CFAP221: variants seen among roughly 807,000 people sequenced by gnomAD.
CFAP221 encodes cilia- and flagella-associated protein 221.
Under a neutral mutation model 113.1 loss-of-function variants are expected in CFAP221, and 97 were observed. That is an observed-to-expected ratio of 0.86 (90% CI 0.73 to 1.02). The LOEUF is 1.02. CFAP221 is among the 50% of genes least tolerant of loss of function. The pLI is 0.00. For missense variants in CFAP221, 1,025 were observed against 1,013.4 expected (o/e 1.01, Z -0.16); for synonymous variants, 331 against 354.4 (o/e 0.93, Z 0.74).
chr2:119,589,128 C>T (rs1334611499), intron 7 of CFAP221, among the ~76,000 whole-genome samples: 3 of 152,220 alleles, frequency 2.0e-5, no homozygotes, highest in Non-Finnish European at 4.4e-5. Context: ...AAACTGGTCT[C>T]ATGGGCTCTG....
At position 119,615,626 on chromosome 2, in the gene CFAP221, C is replaced by G. The variant is rs1685468703; in HGVS notation, c.1327C>G (p.His443Asp). The part of the protein sequence containing the change: ...RNQEEKIKEF[H>D]PTFDPLINNT... Reference sequence around the variant, plus strand: ...ATATTCACAGAAAATCAAGGAATTTCATCCTACTTTTGATCCACTCATTAA... The same window carrying G: ...ATATTCACAGAAAATCAAGGAATTTGATCCTACTTTTGATCCACTCATTAA... The change falls in exon 14 of 24, where the codon CAT (histidine) becomes GAT (aspartate). Residue 443 changes from histidine (H) to aspartate (D), a missense_variant. Transcript: ENST00000413369. 3 of 1,607,374 alleles carry G rather than the reference C, an allele frequency of 1.9e-6. No homozygotes were observed. The highest frequency in any genetic ancestry group is 2.5e-6 in the Non-Finnish European group (3 of 1,177,288).
rs35631078 is a variant in CFAP221 at position 119,560,045 on chromosome 2, CTTTTTT to C, written c.426+34_426+39del. 365 of 874,944 alleles carry C rather than the reference CTTTTTT, an allele frequency of 4.2e-4. No individual in the cohort carries two copies. Among genetic ancestry groups the C allele is most frequent in the South Asian group, 1.5e-3 (79 of 53,820 alleles). The allele number at this position is 874,944 out of a possible 1,614,324, so 54.2% of individuals were successfully genotyped here. A position where few individuals can be genotyped will look rare whatever the true frequency, so the allele number is the denominator to read the frequency against. ...CTGTAAGGTAGGTCTCTTAAAATTGCTTTTTTTTTTTTTTTTTTTTGATGGTGGGTT... is the reference window on the plus strand; with the variant it reads ...CTGTAAGGTAGGTCTCTTAAAATTGCTTTTTTTTTTTTTTGATGGTGGGTT... On this transcript the variant is annotated intron_variant, in intron 5 of 23. Transcript: ENST00000413369.
At chr2:119,630,078 T>C in intron 17 of CFAP221, 123 bp downstream of exon 17, 1 of 826,286 alleles carries the variant, frequency 1.2e-6, no homozygotes, top group Non-Finnish European at 1.9e-6. Context: ...TGGCACACTC[T>C]ACTGTTTTTG....
At chr2:119,590,720 C>G (rs1683541218) in intron 7 of CFAP221, among the ~76,000 whole-genome samples, 1 of 152,212 alleles carries the variant, frequency 6.6e-6, no homozygotes, top group Non-Finnish European at 1.5e-5. Flanking sequence ...ACATAATAAG[C>G]CCTACCTGCA....
chr2:119,613,353 C>T (rs537884196), intron 13 of CFAP221, among the ~76,000 whole-genome samples: 1 of 152,350 alleles, frequency 6.6e-6, no homozygotes, highest in South Asian at 2.1e-4. Flanking sequence ...CGTGTGGGGG[C>T]TCCAACCCTA....
intron 3 of CFAP221, among the ~76,000 whole-genome samples, chr2:119,559,118 A>G (rs935251619): frequency 9.2e-5 from 14 of 152,200 alleles, no homozygotes; most frequent in African/African-American, 1.4e-4. Flanking sequence ...CCCAGCTGAC[A>G]TATCCACCAG....
At chr2:119,620,965 C>T (rs1685870690) in intron 14 of CFAP221, among the ~76,000 whole-genome samples, 1 of 151,616 alleles carries the variant, frequency 6.6e-6, no homozygotes, top group South Asian at 2.1e-4. Flanking sequence ...TGGCTCATGC[C>T]TGTAATCCCA....
At chr2:119,587,094 ATT>A in intron 6 of CFAP221, 23 bp from the exon 7 acceptor site, 21 of 1,436,308 alleles carry the variant, frequency 1.5e-5, no homozygotes, top group Non-Finnish European at 1.9e-5. Context: ...TAATATTTTT[ATT>A]TTCTTTTTTG....
chr2:119,608,135 G>A (rs1213863160), intron 11 of CFAP221, among the ~76,000 whole-genome samples: 2 of 152,142 alleles, frequency 1.3e-5, no homozygotes, highest in African/African-American at 2.4e-5. Context: ...AGCAACATAT[G>A]AGGGTTTCTC....
rs532976451 is a variant in CFAP221 at position 119,561,771 on chromosome 2, T to C, written c.427-243T>C. On this transcript the variant is annotated intron_variant, in intron 5 of 23. Transcript: ENST00000413369. ...ACTGTCTTCATATCTCTATGAGGCGTCATTATCTTTAGCTTCCTTGGATAA... is the reference window on the plus strand; with the variant it reads ...ACTGTCTTCATATCTCTATGAGGCGCCATTATCTTTAGCTTCCTTGGATAA... Among the ~76,000 whole-genome samples, 97 of 152,358 alleles carry C rather than the reference T, an allele frequency of 6.4e-4. 1 individual carries two copies. Among genetic ancestry groups the C allele is most frequent in the African/African-American group, 2.2e-3 (92 of 41,582 alleles).
chr2:119,587,302 G>T, intron 7 of CFAP221, 80 bp downstream of exon 7: 1 of 1,004,428 alleles, frequency 1.0e-6, no homozygotes, highest in Non-Finnish European at 1.4e-6. Context: ...ACATATCAGT[G>T]ATGAATTTTA....
intron 15 of CFAP221, among the ~76,000 whole-genome samples, chr2:119,626,554 T>C (rs921740074): frequency 3.3e-5 from 5 of 152,198 alleles, no homozygotes; most frequent in Non-Finnish European, 7.3e-5. Context: ...GCTGATTGAC[T>C]GGCTGAATTT....
At chr2:119,635,102 T>C (rs1687033310) in intron 19 of CFAP221, among the ~76,000 whole-genome samples, 1 of 152,210 alleles carries the variant, frequency 6.6e-6, no homozygotes, top group African/African-American at 2.4e-5. Flanking sequence ...ATGGCAAATA[T>C]GCACACGAGA....
chr2:119,659,814 C>A (rs1688555402), downstream of CFAP221, among the ~76,000 whole-genome samples: 1 of 152,210 alleles, frequency 6.6e-6, no homozygotes, highest in South Asian at 2.1e-4. Context: ...AGGCCTCTGC[C>A]CCTTGGCCCC....
chr2:119,589,698 T>C (rs1343302682), intron 7 of CFAP221: 2 of 152,250 alleles, frequency 1.3e-5, no homozygotes, highest in African/African-American at 4.8e-5. Flanking sequence ...TTAATAATTC[T>C]ATTTATAAGG....
At chr2:119,625,945 G>A (rs1401010934) in intron 15 of CFAP221, 4 of 453,042 alleles carry the variant, frequency 8.8e-6, no homozygotes, top group African/African-American at 2.0e-5. Context: ...CACACATTAA[G>A]CCTTTTAAAC....
At position 119,656,546 on chromosome 2, in the gene CFAP221, G is replaced by A. The variant is rs376882970; in HGVS notation, c.*76G>A. ...GCCCCTTGCGTCCATTTACATGCCA[G>A]CCATCTCTGCAATTAAAGTTTCTGG... On this transcript the variant is annotated 3_prime_UTR_variant, in exon 24 of 24. Transcript: ENST00000413369. 5.5e-6 allele frequency: 5 copies of A among 911,092 alleles called. No individual in the cohort carries two copies. In the African/African-American group the frequency reaches 6.6e-5, roughly 12 times the overall value. 56.4% of individuals were successfully genotyped at this position (911,092 alleles called of 1,614,324 possible).
At chr2:119,609,782 G>T (rs1264169901) in intron 12 of CFAP221, among the ~76,000 whole-genome samples, 1 of 152,194 alleles carries the variant, frequency 6.6e-6, no homozygotes, top group Non-Finnish European at 1.5e-5. Context: ...TGACTTGGCA[G>T]CAGTGGATGG....
At chr2:119,602,373 T>TCAAA (rs769480223) in intron 8 of CFAP221, among the ~76,000 whole-genome samples, 5 of 152,052 alleles carry the variant, frequency 3.3e-5, no homozygotes, top group East Asian at 3.9e-4. Context: ...AGACATCATC[T>TCAAA]CAAACAAACA....
Sources: allele counts gnomAD v4.1 joint callset (sites outside exome capture counted in the v4.1 genomes callset), GRCh38; gene constraint gnomAD v4.1.1; transcripts MANE v1.5; gene names NCBI Gene and HGNC (gene_info 2026-07-23, HGNC 2026-07-21).